The following HELZ variants were observed in gnomAD, a reference collection of about 807,000 sequenced individuals.
HELZ encodes helicase with zinc finger.
Under a neutral mutation model 218.2 loss-of-function variants are expected in HELZ, and 23 were observed. The ratio of observed to expected loss-of-function variants is 0.11; its 90% CI spans 0.08 to 0.15. The LOEUF (loss-of-function observed/expected upper bound fraction) is 0.15. Among genes scored for constraint, HELZ ranks in the 10% least tolerant of loss-of-function variants. The pLI, the probability that HELZ is intolerant of heterozygous loss-of-function variation, is 1.00. For synonymous variants in HELZ, 814 were observed against 829.4 expected, an observed-to-expected ratio of 0.98 and a Z score of 0.32; for missense variants, 1,813 against 2,353.7, an observed-to-expected ratio of 0.77 and a Z score of 4.75.
intron 5 of HELZ, among the ~76,000 whole-genome samples, chr17:67,214,246 T>C (rs1214645935): frequency 2.7e-5 from 4 of 148,586 alleles, no homozygotes; most frequent in Non-Finnish European, 4.5e-5. Context: ...AATGAATGGT[T>C]AAATTAATAT....
intron 23 of HELZ, among the ~76,000 whole-genome samples, chr17:67,132,517 A>C (rs999491073): frequency 2.6e-5 from 4 of 152,204 alleles, no homozygotes; most frequent in African/African-American, 9.6e-5. Flanking sequence ...TGAACCACAT[A>C]ATAGCTATGT....
chr17:67,241,393 T>C (rs1343080566), intron 2 of HELZ, among the ~76,000 whole-genome samples: 5 of 152,210 alleles, frequency 3.3e-5, no homozygotes, highest in Non-Finnish European at 4.4e-5. Context: ...CAGACAATTA[T>C]AGACTAATCT....
intron 22 of HELZ, 57 bp downstream of exon 22, chr17:67,137,874 G>T: frequency 7.7e-7 from 1 of 1,306,032 alleles, no homozygotes; most frequent in Non-Finnish European, 1.1e-6. Context: ...AATCCAATGT[G>T]AACACACTTT....
At chr17:67,128,932 A>G (rs975506857) in intron 23 of HELZ, 77 bp from the exon 24 acceptor site, 4 of 1,130,492 alleles carry the variant, frequency 3.5e-6, no homozygotes, top group Non-Finnish European at 5.3e-6. Context: ...AACTAAAGAT[A>G]ATCTCAAATT....
intron 18 of HELZ, 143 bp from the exon 19 acceptor site, chr17:67,150,128 T>C: frequency 2.3e-6 from 1 of 426,394 alleles, no homozygotes. Flanking sequence ...TTTATTTTCT[T>C]TCTTTTTTTT....
chr17:67,093,364 T>C (rs954014649), intron 31 of HELZ, among the ~76,000 whole-genome samples: 1 of 152,116 alleles, frequency 6.6e-6, no homozygotes, highest in Non-Finnish European at 1.5e-5. Context: ...TTGGAGAATC[T>C]AGGAGGCCCA....
intron 5 of HELZ, 149 bp downstream of exon 5, chr17:67,215,750 T>C: frequency 3.0e-6 from 2 of 672,534 alleles, no homozygotes; most frequent in East Asian, 2.7e-5. Context: ...CCCAGCTCAG[T>C]GGGAATGTCA....
intron 15 of HELZ, among the ~76,000 whole-genome samples, chr17:67,165,930 G>A (rs941915555): frequency 3.3e-5 from 5 of 152,088 alleles, no homozygotes; most frequent in Non-Finnish European, 7.3e-5. Context: ...CCAGGATTTC[G>A]AGACCAGCAT....
intron 20 of HELZ, 145 bp downstream of exon 20, chr17:67,148,424 C>G (rs866809526): frequency 3.1e-6 from 2 of 638,444 alleles, no homozygotes; most frequent in Middle Eastern, 8.8e-4. Context: ...CTTTTAAAGA[C>G]ATAAAATTAA....
intron 32 of HELZ, among the ~76,000 whole-genome samples, chr17:67,083,055 C>T (rs986639707): frequency 6.6e-6 from 1 of 151,768 alleles, no homozygotes; most frequent in African/African-American, 2.4e-5. Flanking sequence ...AGGGGTTTCA[C>T]CATGTTGGCC....
At chr17:67,129,640 T>A (rs1456532506) in intron 23 of HELZ, among the ~76,000 whole-genome samples, 1 of 152,226 alleles carries the variant, frequency 6.6e-6, no homozygotes, top group Non-Finnish European at 1.5e-5. Context: ...AAATGAATTA[T>A]GAAAAATATG....
chr17:67,157,712 A>G (rs2038884168), intron 17 of HELZ, among the ~76,000 whole-genome samples: 1 of 152,234 alleles, frequency 6.6e-6, no homozygotes, highest in Admixed American at 6.5e-5. Flanking sequence ...ATTCACTGAA[A>G]TTTTATTCCT....
At chr17:67,086,631 AATATATATATAT>A (rs71139116) in intron 32 of HELZ, among the ~76,000 whole-genome samples, 186 bp downstream of exon 32, 25 of 93,300 alleles carry the variant, frequency 2.7e-4, no homozygotes, top group East Asian at 1.7e-3. Context: ...TATAAATATA[AATATATATATAT>A]ATATATATAT....
At chr17:67,214,133 G>A (rs548827141) in intron 5 of HELZ, among the ~76,000 whole-genome samples, 2 of 151,620 alleles carry the variant, frequency 1.3e-5, no homozygotes, top group African/African-American at 2.4e-5. Context: ...AGATAGCAGG[G>A]ATTTTTTTAA....
At position 67,078,197 on chromosome 17, in the gene HELZ, T is replaced by G; in HGVS notation, c.*55A>C. Reference sequence around the variant, plus strand: ...ATAGATGAAGTCCAACTACCTTAATTCTACTGATACAAACAGAAATTAAAA... The same window carrying G: ...ATAGATGAAGTCCAACTACCTTAATGCTACTGATACAAACAGAAATTAAAA... On this transcript the variant is annotated 3_prime_UTR_variant, in exon 33 of 33. Coordinates refer to ENST00000358691, the MANE Select transcript of HELZ (RefSeq NM_014877.4). 1 of 1,287,820 alleles carries G rather than the reference T, an allele frequency of 7.8e-7. No individual in the cohort carries two copies. Among genetic ancestry groups the G allele is most frequent in the South Asian group, 1.2e-5 (1 of 81,424 alleles). The allele number at this position is 1,287,820 out of a possible 1,614,324, so 79.8% of individuals were successfully genotyped here. A position where few individuals can be genotyped will look rare whatever the true frequency, so the allele number is the denominator to read the frequency against.
At chr17:67,164,704 T>TA (rs2039089924) in intron 15 of HELZ, among the ~76,000 whole-genome samples, 1 of 152,186 alleles carries the variant, frequency 6.6e-6, no homozygotes, top group Non-Finnish European at 1.5e-5. Context: ...TCAACATTGC[T>TA]AAAACATGAG....
chr17:67,205,696 T>G (rs1345549389), intron 5 of HELZ, among the ~76,000 whole-genome samples: 1 of 152,110 alleles, frequency 6.6e-6, no homozygotes, highest in African/African-American at 2.4e-5. Flanking sequence ...ACTTAAAGAG[T>G]ATTAAATCAC....
chr17:67,203,458 C>G lies in HELZ; in HGVS notation c.248-15G>C, dbSNP rs766329662. The stretch of plus-strand genomic sequence containing the variant: ...TTCTCCCAGCACTGCCATGAAAGAA[C>G]AGCCATCATTAACCATATGACATTT... On this transcript the variant is annotated splice_polypyrimidine_tract_variant and intron_variant, in intron 5 of 32. Coordinates refer to ENST00000358691, the MANE Select transcript of HELZ (RefSeq NM_014877.4). 6.2e-7 allele frequency: 1 copy of G among 1,612,858 alleles called. No individual in the cohort carries two copies. Among genetic ancestry groups the G allele is most frequent in the South Asian group, 1.1e-5 (1 of 90,832 alleles).
chr17:67,161,472 C>T (rs754604790), intron 15 of HELZ, among the ~76,000 whole-genome samples: 13 of 151,952 alleles, frequency 8.6e-5, no homozygotes, highest in Non-Finnish European at 1.2e-4. Flanking sequence ...GGTTTTTTTG[C>T]ATAACAAATG....
Sources: gnomAD v4.1 joint callset for allele counts (sites outside exome capture counted in the v4.1 genomes callset) on GRCh38, gnomAD v4.1.1 for gene constraint, MANE v1.5 for transcripts, NCBI Gene and HGNC (gene_info 2026-07-23, HGNC 2026-07-21) for gene names.